Variants in CDKAL1 observed in about 807,000 individuals in gnomAD.
CDKAL1 encodes the protein threonylcarbamoyladenosine tRNA methylthiotransferase.
CDKAL1 carries 32 observed loss-of-function variants against 68.2 expected under a neutral mutation model. That is an observed-to-expected ratio of 0.47 (90% CI 0.35 to 0.63). The LOEUF is 0.63. CDKAL1 is among the 30% of genes least tolerant of loss of function. The pLI, the probability that CDKAL1 is intolerant of heterozygous loss-of-function variation, is 0.00. For synonymous variants in CDKAL1, 234 were observed against 244.3 expected, an observed-to-expected ratio of 0.96 and a Z score of 0.39; for missense variants, 606 against 696.7, an observed-to-expected ratio of 0.87 and a Z score of 1.47.
At chr6:20,749,933 T>C (rs1308622455) in intron 6 of CDKAL1, among the ~76,000 whole-genome samples, 2 of 151,974 alleles carry the variant, frequency 1.3e-5, no homozygotes, top group Admixed American at 6.6e-5. Context: ...TTCAAACTCC[T>C]AGGCTCAAAC....
intron 5 of CDKAL1, among the ~76,000 whole-genome samples, chr6:20,690,297 G>C (rs1431383734): frequency 6.6e-6 from 1 of 152,112 alleles, no homozygotes; most frequent in Non-Finnish European, 1.5e-5. Flanking sequence ...TTATTCAGTA[G>C]TATAAATGTA....
intron 9 of CDKAL1, among the ~76,000 whole-genome samples, chr6:20,938,050 A>G (rs1471360053): frequency 6.6e-6 from 1 of 152,168 alleles, no homozygotes; most frequent in African/African-American, 2.4e-5. Flanking sequence ...TTAAAATTAT[A>G]TTATATGGAA....
At position 20,859,757 on chromosome 6, in the gene CDKAL1, T is replaced by A. The variant is rs973201370; in HGVS notation, c.742+13579T>A. 2.0e-5 allele frequency among the ~76,000 whole-genome samples: 3 copies of A among 152,224 alleles called. No individual in the cohort carries two copies. In the East Asian group the frequency reaches 5.8e-4, roughly 29 times the overall value. ...GAAGTGTTCTGCCTTTGAAGAGGAA[T>A]ACGGTTCAACTTTTCATCAAAGCCC... On this transcript the variant is annotated intron_variant, in intron 9 of 15. Transcript: ENST00000274695.
At chr6:20,897,346 C>T (rs908470610) in intron 9 of CDKAL1, among the ~76,000 whole-genome samples, 2 of 152,030 alleles carry the variant, frequency 1.3e-5, no homozygotes, top group African/African-American at 2.4e-5. Flanking sequence ...GAATTGGGCA[C>T]GAGTGGAGGT....
chr6:20,825,303 G>T (rs1777458440), intron 8 of CDKAL1, among the ~76,000 whole-genome samples: 1 of 150,446 alleles, frequency 6.6e-6, no homozygotes, highest in Non-Finnish European at 1.5e-5. Context: ...TGGTTTAAAT[G>T]ACATAATAAT....
intron 4 of CDKAL1, among the ~76,000 whole-genome samples, chr6:20,647,174 A>G (rs545199667): frequency 1.2e-4 from 19 of 152,352 alleles, no homozygotes; most frequent in Admixed American, 5.2e-4. Context: ...TTGAAATTCA[A>G]CATTCATTCA....
In CDKAL1 at chr6:20,777,285, A is replaced by G. The variant is rs1385284411; in HGVS notation, c.518-3860A>G. Among the ~76,000 whole-genome samples the G allele has an allele frequency of 1.3e-5, 2 of 152,218 alleles. 1 individual carries two copies. Among genetic ancestry groups the G allele is most frequent in the East Asian group, 3.8e-4 (2 of 5,204 alleles). On this transcript the variant is annotated intron_variant, in intron 7 of 15. Transcript: ENST00000274695. ...GAAAAATGCTAGAAATGGTATTTATATGAGTAAACATATTTTTCACATTTT... is the reference window on the plus strand; with the variant it reads ...GAAAAATGCTAGAAATGGTATTTATGTGAGTAAACATATTTTTCACATTTT...
At chr6:21,151,898 C>T (rs1341488565) in intron 13 of CDKAL1, among the ~76,000 whole-genome samples, 3 of 152,062 alleles carry the variant, frequency 2.0e-5, no homozygotes, top group African/African-American at 2.4e-5. Flanking sequence ...CTCTCCCTGG[C>T]GTGCGGCCTC....
chr6:20,843,213 A>G (rs1327852429), intron 8 of CDKAL1, among the ~76,000 whole-genome samples: 1 of 152,008 alleles, frequency 6.6e-6, no homozygotes, highest in Non-Finnish European at 1.5e-5. Context: ...ACCAGTAGCC[A>G]ACACTTACTG....
intron 8 of CDKAL1, among the ~76,000 whole-genome samples, chr6:20,845,564 A>G (rs1261480982): frequency 6.6e-6 from 1 of 152,070 alleles, no homozygotes; most frequent in East Asian, 1.9e-4. Flanking sequence ...GTGAAAAAAG[A>G]TTATCTAAAA....
chr6:20,676,607 C>T (rs1374202997), intron 5 of CDKAL1, among the ~76,000 whole-genome samples: 1 of 151,782 alleles, frequency 6.6e-6, no homozygotes, highest in Non-Finnish European at 1.5e-5. Flanking sequence ...GTGGAGCTTG[C>T]AGTGACCCAA....
At chr6:20,566,276 T>G (rs1270693045) in intron 4 of CDKAL1, among the ~76,000 whole-genome samples, 3 of 152,182 alleles carry the variant, frequency 2.0e-5, no homozygotes, top group Non-Finnish European at 4.4e-5. Flanking sequence ...AATGTGCTAA[T>G]TTATGCTGAT....
chr6:21,088,555 T>G (rs1331548576), intron 12 of CDKAL1, among the ~76,000 whole-genome samples: 1 of 152,232 alleles, frequency 6.6e-6, no homozygotes, highest in Non-Finnish European at 1.5e-5. Context: ...GGAAATGTCC[T>G]TATTATTTCC....
chr6:20,963,495 T>C (rs1333398754), intron 10 of CDKAL1, among the ~76,000 whole-genome samples: 1 of 152,208 alleles, frequency 6.6e-6, no homozygotes, highest in Non-Finnish European at 1.5e-5. Context: ...TTCCTACTAC[T>C]GAGCCTTTGT....
At chr6:20,826,732 A>C (rs959530011) in intron 8 of CDKAL1, among the ~76,000 whole-genome samples, 33 of 152,130 alleles carry the variant, frequency 2.2e-4, no homozygotes, top group African/African-American at 7.2e-4. Context: ...TATGTTGAAA[A>C]TCTCAACTGT....
At chr6:21,060,203 A>G (rs777592226) in intron 11 of CDKAL1, among the ~76,000 whole-genome samples, 2 of 152,188 alleles carry the variant, frequency 1.3e-5, no homozygotes, top group Non-Finnish European at 2.9e-5. Context: ...GGGTGGCAAG[A>G]TTTTAAATTA....
At chr6:20,955,630 A>T in intron 10 of CDKAL1, 45 bp downstream of exon 10, 1 of 1,548,920 alleles carries the variant, frequency 6.5e-7, no homozygotes, top group Non-Finnish European at 8.8e-7. Flanking sequence ...GACACTAACC[A>T]GTCCAGACAG....
intron 5 of CDKAL1, among the ~76,000 whole-genome samples, chr6:20,653,078 T>A (rs1768849417): frequency 6.6e-6 from 1 of 152,246 alleles, no homozygotes; most frequent in African/African-American, 2.4e-5. Flanking sequence ...TGTTAATGGG[T>A]GTAAATTCAT....
At chr6:20,548,802 A>G (rs1365176998) in intron 4 of CDKAL1, 97 bp downstream of exon 4, 5 of 587,698 alleles carry the variant, frequency 8.5e-6, no homozygotes, top group Non-Finnish European at 1.2e-5. Flanking sequence ...TTAGCATGAC[A>G]GTGATTTTAA....
Sources: allele counts gnomAD v4.1 joint callset (sites outside exome capture counted in the v4.1 genomes callset), GRCh38; gene constraint gnomAD v4.1.1; transcripts MANE v1.5; gene names NCBI Gene and HGNC (gene_info 2026-07-23, HGNC 2026-07-21).